Variants in SLC8A1 observed in about 807,000 individuals in gnomAD.
The protein encoded by SLC8A1 is sodium/calcium exchanger 1.
A neutral mutation model predicts 68.3 loss-of-function variants in SLC8A1; 18 were observed. The ratio of observed to expected loss-of-function variants is 0.26; its 90% CI spans 0.18 to 0.39. The LOEUF is 0.39. Ranked by LOEUF, SLC8A1 falls within the 10% of genes least tolerant of loss-of-function variation. SLC8A1 has a pLI of 1.00. For synonymous variants in SLC8A1, 475 were observed against 415.5 expected, an observed-to-expected ratio of 1.14 and a Z score of -1.74; for missense variants, 985 against 1,156.7, an observed-to-expected ratio of 0.85 and a Z score of 2.15.
chr2:40,337,067 A>C (rs1666197051), intron 2 of SLC8A1, among the ~76,000 whole-genome samples: 1 of 152,182 alleles, frequency 6.6e-6, no homozygotes, highest in Non-Finnish European at 1.5e-5. Flanking sequence ...ATTTTTCTCA[A>C]CATGGTTGGA....
intron 2 of SLC8A1, among the ~76,000 whole-genome samples, chr2:40,201,257 A>G (rs1176175271): frequency 6.6e-6 from 1 of 151,808 alleles, no homozygotes; most frequent in East Asian, 1.9e-4. Context: ...TCAATTTCTT[A>G]TGTTTTCAAT....
At chr2:40,259,344 C>T (rs2064374755) in intron 2 of SLC8A1, among the ~76,000 whole-genome samples, 1 of 152,232 alleles carries the variant, frequency 6.6e-6, no homozygotes, top group African/African-American at 2.4e-5. Context: ...ACCTGTCCAA[C>T]ATAGAGATCC....
rs1690691200 is a variant in SLC8A1 at position 40,407,339 on chromosome 2, T to C, written c.1808+21134A>G. ...CCTCGGCCTCCCACAGTGCTGGGAC[T>C]ACAGGCATAAGCCACCACACCTGAC... On this transcript the variant is annotated intron_variant, in intron 2 of 7. Transcript: ENST00000406785. Among the ~76,000 whole-genome samples the C allele has an allele frequency of 2.6e-5, 4 of 152,340 alleles. No individual in the cohort carries two copies. The South Asian group carries it at 8.3e-4, about 32-fold the overall frequency.
chr2:40,290,733 A>T (rs570595386), intron 2 of SLC8A1, among the ~76,000 whole-genome samples: 3 of 152,192 alleles, frequency 2.0e-5, no homozygotes, highest in African/African-American at 7.2e-5. Context: ...ACCCATTACT[A>T]CAGCTATAAT....
At chr2:40,252,960 T>C (rs1184107175) in intron 2 of SLC8A1, among the ~76,000 whole-genome samples, 1 of 146,432 alleles carries the variant, frequency 6.8e-6, no homozygotes, top group African/African-American at 2.5e-5. Flanking sequence ...CATATGTGTG[T>C]ATATGTATGT....
chr2:40,100,407 C>T (rs1023242653), exon 8 of SLC8A1: 10 of 152,010 alleles, frequency 6.6e-5, no homozygotes, highest in East Asian at 1.9e-4. Flanking sequence ...AGAAATCAAC[C>T]ACTATGGACG....
At chr2:40,287,729 TG>T (rs1431518650) in intron 2 of SLC8A1, among the ~76,000 whole-genome samples, 3 of 151,338 alleles carry the variant, frequency 2.0e-5, no homozygotes, top group African/African-American at 7.3e-5. Flanking sequence ...GACTCAGGGA[TG>T]GGAAACTGGC....
At chr2:40,429,013 C>T in exon 2 of SLC8A1, 2 of 1,613,560 alleles carry the variant, frequency 1.2e-6, no homozygotes, top group Non-Finnish European at 1.7e-6. Flanking sequence ...GGCCACAGTA[C>T]CACAGTTCTC....
At chr2:40,220,830 A>G (rs2058221187) in intron 2 of SLC8A1, among the ~76,000 whole-genome samples, 1 of 152,034 alleles carries the variant, frequency 6.6e-6, no homozygotes, top group Non-Finnish European at 1.5e-5. Flanking sequence ...GAAGAGAAAG[A>G]GCTTAGTAAA....
chr2:40,255,691 GAA>G (rs1224121110), intron 2 of SLC8A1, among the ~76,000 whole-genome samples: 1 of 152,214 alleles, frequency 6.6e-6, no homozygotes, highest in African/African-American at 2.4e-5. Context: ...AGAGAATAAT[GAA>G]AAGAGTTTGA....
At chr2:40,097,673 GGT>G (rs1419721807) in exon 8 of SLC8A1, 1 of 151,960 alleles carries the variant, frequency 6.6e-6, no homozygotes, top group Non-Finnish European at 1.5e-5. Context: ...ATGATAGTAT[GGT>G]TGAAATCAGC....
intron 2 of SLC8A1, among the ~76,000 whole-genome samples, chr2:40,338,293 A>G (rs746796576): frequency 2.0e-5 from 3 of 152,158 alleles, no homozygotes; most frequent in Non-Finnish European, 2.9e-5. Flanking sequence ...TAAATTTGGC[A>G]CCTGGTTTTA....
chr2:40,289,268 T>C (rs1457135247), intron 2 of SLC8A1, among the ~76,000 whole-genome samples: 6 of 152,158 alleles, frequency 3.9e-5, no homozygotes. Context: ...TGAAAAATAT[T>C]GTTAAACTAT....
At chr2:40,377,196 A>G (rs1337766857) in intron 2 of SLC8A1, among the ~76,000 whole-genome samples, 1 of 152,100 alleles carries the variant, frequency 6.6e-6, no homozygotes, top group African/African-American at 2.4e-5. Context: ...CCAGGGCTTC[A>G]CTGAAAGAAG....
intron 2 of SLC8A1, among the ~76,000 whole-genome samples, chr2:40,356,731 C>G (rs1013195471): frequency 6.6e-6 from 1 of 152,136 alleles, no homozygotes; most frequent in African/African-American, 2.4e-5. Flanking sequence ...GGGAGACAAG[C>G]ACTTATGTCT....
intron 2 of SLC8A1, among the ~76,000 whole-genome samples, chr2:40,363,336 G>GC (rs1675138792): frequency 2.2e-5 from 3 of 134,560 alleles, no homozygotes; most frequent in African/African-American, 9.9e-5. Flanking sequence ...AACCACTGCA[G>GC]GGATGATGAT....
Position 40,441,130 on chromosome 2 carries a change from A to G in SLC8A1, c.-25+10774T>C, listed in dbSNP as rs144777969. ...ATATCCCAAGCATTCCTATACACCA[A>G]AAATAGAAAAGCAGAAAGCCAAATC... On this transcript the variant is annotated intron_variant, in intron 1 of 7. Coordinates refer to ENST00000406785, the Ensembl canonical transcript of SLC8A1. 9.3e-4 allele frequency among the ~76,000 whole-genome samples: 142 copies of G among 152,286 alleles called. 1 individual carries two copies. In the East Asian group the frequency reaches 0.026, roughly 28 times the overall value.
chr2:40,479,919 C>A (rs541157916), intron 1 of SLC8A1, among the ~76,000 whole-genome samples: 4 of 152,158 alleles, frequency 2.6e-5, no homozygotes, highest in African/African-American at 9.6e-5. Context: ...AATTAATGTA[C>A]CAGGGTAATT....
Position 40,488,608 on chromosome 2 carries a change from A to T in SLC8A1, c.-25+23741T>A, listed in dbSNP as rs1705119447. ...CAACTCCATGTGTGTTTAAGTGACCAAAGAGTTGGGGGGAGAAAAAGAAAA... is the reference window on the plus strand; with the variant it reads ...CAACTCCATGTGTGTTTAAGTGACCTAAGAGTTGGGGGGAGAAAAAGAAAA... On this transcript the variant is annotated intron_variant, in intron 1 of 7. Coordinates refer to the SLC8A1 transcript ENST00000402441. Among the ~76,000 whole-genome samples the T allele has an allele frequency of 3.3e-5, 5 of 152,170 alleles. No individual in the cohort carries two copies. The South Asian group carries it at 8.3e-4, about 25-fold the overall frequency.
Sources: gnomAD v4.1 joint callset for allele counts (sites outside exome capture counted in the v4.1 genomes callset) on GRCh38, gnomAD v4.1.1 for gene constraint, MANE v1.5 for transcripts, NCBI Gene and HGNC (gene_info 2026-07-23, HGNC 2026-07-21) for gene names.